The following CDK19 variants were observed in gnomAD, a reference collection of about 807,000 sequenced individuals.
CDK19 encodes the protein cyclin-dependent kinase 19.
A neutral mutation model predicts 68.3 loss-of-function variants in CDK19; 20 were observed. The ratio of observed to expected loss-of-function variants is 0.29; its 90% confidence interval spans 0.21 to 0.43. The LOEUF is 0.43. Among genes scored for constraint, CDK19 ranks in the 20% least tolerant of loss-of-function variants. The pLI, the probability that CDK19 is intolerant of heterozygous loss-of-function variation, is 1.00. For synonymous variants in CDK19, 221 were observed against 222.8 expected (o/e 0.99, Z 0.07); for missense variants, 339 against 623.5 (o/e 0.54, Z 4.86).
At chr6:110,756,318 A>C (rs1451768785) in intron 1 of CDK19, among the ~76,000 whole-genome samples, 1 of 151,658 alleles carries the variant, frequency 6.6e-6, no homozygotes, top group Non-Finnish European at 1.5e-5. Context: ...TGAACTCGGG[A>C]GGCAGAGGTT....
At position 110,647,272 on chromosome 6, in the gene CDK19, T is replaced by C. The variant is rs577556929; in HGVS notation, c.457-8566A>G. Among the ~76,000 whole-genome samples, 9 of 152,104 alleles carry C rather than the reference T, an allele frequency of 5.9e-5. No individual in the cohort carries two copies. The East Asian group carries it at 1.7e-3, about 29-fold the overall frequency. On this transcript the variant is annotated intron_variant, in intron 4 of 12. Transcript: ENST00000368911. ...GTCTATGCAGCAAGAGACCAGCGAC[T>C]TCACCAAAATCCCCCAACAATGGAA...
At chr6:110,717,606 C>A (rs1040780191) in intron 2 of CDK19, among the ~76,000 whole-genome samples, 1 of 152,104 alleles carries the variant, frequency 6.6e-6, no homozygotes, top group African/African-American at 2.4e-5. Flanking sequence ...AGGAAAATTC[C>A]TGGTTACTAT....
At chr6:110,627,186 G>A (rs768330904) in intron 6 of CDK19, 41 bp from the exon 7 acceptor site, 12 of 1,482,522 alleles carry the variant, frequency 8.1e-6, no homozygotes, top group Non-Finnish European at 9.3e-7. Context: ...ATATTTCCTT[G>A]GTTATAATTC....
intron 2 of CDK19, among the ~76,000 whole-genome samples, chr6:110,740,904 T>C (rs563212919): frequency 2.0e-5 from 3 of 152,244 alleles, no homozygotes; most frequent in South Asian, 4.1e-4. Flanking sequence ...TACTCTGTCC[T>C]TCCACCACCA....
At chr6:110,632,275 C>T (rs1779487237) in intron 5 of CDK19, 114 bp from the exon 6 acceptor site, 1 of 727,722 alleles carries the variant, frequency 1.4e-6, no homozygotes, top group Non-Finnish European at 2.2e-6. Context: ...GCAAGGTTGA[C>T]AACAATAGCT....
At chr6:110,811,244 C>T (rs1188146779) in intron 1 of CDK19, among the ~76,000 whole-genome samples, 3 of 152,126 alleles carry the variant, frequency 2.0e-5, no homozygotes, top group Non-Finnish European at 4.4e-5. Flanking sequence ...TTGTGAAAAA[C>T]CCATCAAACA....
At chr6:110,643,892 C>T (rs1469775024) in intron 4 of CDK19, among the ~76,000 whole-genome samples, 1 of 152,012 alleles carries the variant, frequency 6.6e-6, no homozygotes, top group African/African-American at 2.4e-5. Context: ...GCCTGGGCAA[C>T]ATAGTGAGAC....
chr6:110,631,942 G>T, intron 6 of CDK19, 88 bp downstream of exon 6: 4 of 1,215,644 alleles, frequency 3.3e-6, no homozygotes, highest in South Asian at 2.7e-5. Context: ...TGTATAAAAT[G>T]GTTTTTATCA....
chr6:110,789,725 A>G (rs528788780), intron 1 of CDK19, among the ~76,000 whole-genome samples: 1 of 152,328 alleles, frequency 6.6e-6, no homozygotes, highest in South Asian at 2.1e-4. Flanking sequence ...TTAACTTTTT[A>G]TAATAGATTT....
intron 2 of CDK19, chr6:110,722,201 T>C (rs936057670): frequency 1.3e-5 from 2 of 152,136 alleles, no homozygotes; most frequent in Admixed American, 6.6e-5. Context: ...ATGCTAGCAA[T>C]CCACAATACC....
At chr6:110,759,363 C>A (rs1404666566) in intron 1 of CDK19, among the ~76,000 whole-genome samples, 1 of 139,654 alleles carries the variant, frequency 7.2e-6, no homozygotes, top group Non-Finnish European at 1.5e-5. Flanking sequence ...CGAGATGGCA[C>A]CACTGCACTC....
chr6:110,732,445 C>G (rs62420302), intron 2 of CDK19, among the ~76,000 whole-genome samples: 52,251 of 151,820 alleles, frequency 0.34, 10,653 homozygotes, highest in Admixed American at 0.49. Context: ...CCAGGAGACA[C>G]AAAACATTTG....
At chr6:110,646,142 C>T (rs1391441154) in intron 4 of CDK19, 10 of 938,678 alleles carry the variant, frequency 1.1e-5, no homozygotes, top group African/African-American at 6.5e-5. Context: ...CTAACACCTT[C>T]GGCATGGAGA....
intron 4 of CDK19, among the ~76,000 whole-genome samples, chr6:110,666,531 A>C (rs1582815926): frequency 6.6e-6 from 1 of 151,992 alleles, no homozygotes; most frequent in Admixed American, 6.6e-5. Flanking sequence ...AATTTATACA[A>C]TATCACAGCA....
intron 4 of CDK19, among the ~76,000 whole-genome samples, chr6:110,638,972 T>C (rs80345333): frequency 0.012 from 1,876 of 152,346 alleles, 34 homozygotes; most frequent in African/African-American, 0.043. Flanking sequence ...CTATCATTTC[T>C]AAATAGATTC....
intron 12 of CDK19, among the ~76,000 whole-genome samples, chr6:110,616,625 C>T (rs571157342): frequency 2.4e-4 from 36 of 151,160 alleles, no homozygotes; most frequent in African/African-American, 6.6e-4. Context: ...TCAAGATTGG[C>T]GCCACTGCAC....
chr6:110,764,156 AT>A (rs1378306591), intron 1 of CDK19, among the ~76,000 whole-genome samples: 1 of 152,242 alleles, frequency 6.6e-6, no homozygotes, highest in East Asian at 1.9e-4. Context: ...AGAAGACTCA[AT>A]ATTGTCAAGA....
At chr6:110,792,596 C>T (rs1001377935) in intron 1 of CDK19, among the ~76,000 whole-genome samples, 31 of 152,116 alleles carry the variant, frequency 2.0e-4, no homozygotes, top group Non-Finnish European at 3.8e-4. Flanking sequence ...TTAGTAGAGA[C>T]GGGGTTTTGC....
chr6:110,659,994 T>C (rs1330310587), intron 4 of CDK19, among the ~76,000 whole-genome samples: 1 of 152,178 alleles, frequency 6.6e-6, no homozygotes, highest in Non-Finnish European at 1.5e-5. Flanking sequence ...AGGTATCATT[T>C]AATTTTTGCT....
Sources: allele counts gnomAD v4.1 joint callset (sites outside exome capture counted in the v4.1 genomes callset), GRCh38; gene constraint gnomAD v4.1.1; transcripts MANE v1.5; gene names NCBI Gene and HGNC (gene_info 2026-07-23, HGNC 2026-07-21).